SLC25A48: variants seen among roughly 807,000 people sequenced by gnomAD.
SLC25A48 encodes the protein CTC-321K16.1.
Under a neutral mutation model 32.2 loss-of-function variants are expected in SLC25A48, and 29 were observed. The observed-to-expected ratio is 0.90, with a 90% CI of 0.67 to 1.23. SLC25A48 has a LOEUF of 1.23. Ranked by LOEUF, SLC25A48 falls within the 50% of genes most tolerant of loss-of-function variation. The pLI, the probability that SLC25A48 is intolerant of heterozygous loss-of-function variation, is 0.00. For synonymous variants in SLC25A48, 164 were observed against 172.3 expected (o/e 0.95, Z 0.38); for missense variants, 399 against 422.7 (o/e 0.94, Z 0.49).
chr5:135,844,208 C>T (rs1408807620), intron 2 of SLC25A48, among the ~76,000 whole-genome samples: 1 of 152,208 alleles, frequency 6.6e-6, no homozygotes, highest in Non-Finnish European at 1.5e-5. Flanking sequence ...CAGCACGGGG[C>T]TGGGCACAGC....
chr5:135,841,127 G>A (rs1163784551), intron 1 of SLC25A48, among the ~76,000 whole-genome samples: 3 of 152,070 alleles, frequency 2.0e-5, no homozygotes, highest in East Asian at 1.9e-4. Context: ...GTGTGAAGAC[G>A]TATCTCATTG....
intron 3 of SLC25A48, chr5:135,649,196 A>G (rs1396299849): frequency 1.3e-5 from 2 of 152,258 alleles, no homozygotes; most frequent in African/African-American, 4.8e-5. Context: ...TGGCAACAGC[A>G]TCCACAGAAA....
rs79274927 is a variant in SLC25A48, at chr5:135,824,232, AATCTAGCC to A, written c.-117+11309_-117+11316del. ...GGCAAGAAGCCCTGAGTGCTTGAGC[AATCTAGCC>A]ATGGTTGAGGCCCATTGCTGGCTTT... On this transcript the variant is annotated intron_variant, in intron 4 of 10. Transcript: ENST00000646290. Among the ~76,000 whole-genome samples, 505 of 152,288 alleles carry A rather than the reference AATCTAGCC, an allele frequency of 3.3e-3. 1 individual carries two copies. Among genetic ancestry groups the A allele is most frequent in the Middle Eastern group, 6.8e-3 (2 of 294 alleles).
intron 3 of SLC25A48, chr5:135,746,465 T>C (rs745446671): frequency 5.1e-5 from 12 of 233,844 alleles, no homozygotes; most frequent in Admixed American, 6.2e-5. Flanking sequence ...TTCTGTCGCC[T>C]TTGCTGCCTT....
intron 1 of SLC25A48, among the ~76,000 whole-genome samples, chr5:135,591,061 T>C: frequency 6.6e-6 from 1 of 152,164 alleles, no homozygotes; most frequent in Non-Finnish European, 1.5e-5. Context: ...GCCTCCAGGG[T>C]ATCTGGGTGA....
chr5:135,607,503 C>T (rs1363453245), intron 1 of SLC25A48, among the ~76,000 whole-genome samples: 1 of 152,198 alleles, frequency 6.6e-6, no homozygotes, highest in Non-Finnish European at 1.5e-5. Flanking sequence ...CGTCCTGATT[C>T]TTACCTCTAG....
At chr5:135,837,660 G>A (rs1441943755) in intron 1 of SLC25A48, among the ~76,000 whole-genome samples, 2 of 151,832 alleles carry the variant, frequency 1.3e-5, no homozygotes, top group Non-Finnish European at 2.9e-5. Flanking sequence ...AGTCTCATGA[G>A]ATCCAATGGC....
intron 3 of SLC25A48, among the ~76,000 whole-genome samples, chr5:135,674,892 T>G (rs2126945144): frequency 7.4e-6 from 1 of 134,432 alleles, no homozygotes; most frequent in Middle Eastern, 3.9e-3. Flanking sequence ...GATCTTATGG[T>G]CATTCTATTT....
chr5:135,770,410 C>T (rs560852116), intron 3 of SLC25A48, among the ~76,000 whole-genome samples: 2 of 151,582 alleles, frequency 1.3e-5, no homozygotes, highest in African/African-American at 4.8e-5. Context: ...GATATTACTC[C>T]CAGTATCGCA....
chr5:135,770,526 T>C (rs1478971318), intron 3 of SLC25A48, among the ~76,000 whole-genome samples: 1 of 151,714 alleles, frequency 6.6e-6, no homozygotes, highest in Non-Finnish European at 1.5e-5. Flanking sequence ...GTGATATTGT[T>C]TGTAATATCC....
At chr5:135,883,748 C>G (rs77499716) in intron 7 of SLC25A48, among the ~76,000 whole-genome samples, 15,157 of 152,194 alleles carry the variant, frequency 0.1, 838 homozygotes, top group Non-Finnish European at 0.11. Context: ...AGAGTTTGGC[C>G]CTGGGCTTGG....
rs535344210 is a variant in SLC25A48, at chr5:135,754,978, A to G, written c.-520-57545A>G. ...TATCCCTCTTCTATTTATAATATCC[A>G]GTGTTTACACACTGTGATATTAATG... On this transcript the variant is annotated intron_variant, in intron 3 of 10. Coordinates refer to the SLC25A48 transcript ENST00000646290. 2.0e-5 allele frequency among the ~76,000 whole-genome samples: 3 copies of G among 152,272 alleles called. No individual in the cohort carries two copies. The East Asian group carries it at 5.8e-4, about 29-fold the overall frequency.
intron 3 of SLC25A48, among the ~76,000 whole-genome samples, chr5:135,747,431 C>T (rs904799429): frequency 2.0e-5 from 3 of 151,574 alleles, no homozygotes; most frequent in East Asian, 1.9e-4. Flanking sequence ...TCAGTGAAGC[C>T]GCTTCAAGAC....
rs73791610 is a variant in SLC25A48, at chr5:135,871,148, T to A, written c.422-313T>A. On this transcript the variant is annotated intron_variant, in intron 4 of 7. Coordinates refer to ENST00000681962, the MANE Select transcript of SLC25A48 (RefSeq NM_001349336.2). The stretch of plus-strand genomic sequence containing the variant: ...TTTCTAGCTTCAAAGAAGAGCTTAG[T>A]GTGGCTTGTCATAATTGATTCTAGA... 9.3e-3 allele frequency among the ~76,000 whole-genome samples: 1,415 copies of A among 152,006 alleles called. 26 individuals carry two copies. The highest frequency in any genetic ancestry group is 0.033 in the African/African-American group (1,355 of 41,442).
intron 3 of SLC25A48, among the ~76,000 whole-genome samples, chr5:135,780,015 G>A (rs1580871237): frequency 8.6e-6 from 1 of 116,324 alleles, no homozygotes; most frequent in African/African-American, 2.6e-5. Flanking sequence ...TATCCTGTTA[G>A]GTAGAGAATG....
At chr5:135,643,045 G>T (rs1160221360) in intron 3 of SLC25A48, among the ~76,000 whole-genome samples, 4 of 152,252 alleles carry the variant, frequency 2.6e-5, no homozygotes, top group Non-Finnish European at 5.9e-5. Context: ...AGGAAGGGAA[G>T]TGGGCAGAGA....
chr5:135,859,588 C>T (rs1189933742), intron 4 of SLC25A48, among the ~76,000 whole-genome samples: 1 of 152,210 alleles, frequency 6.6e-6, no homozygotes, highest in Non-Finnish European at 1.5e-5. Flanking sequence ...AAATCAATCT[C>T]ATAGGAGGCT....
intron 6 of SLC25A48, among the ~76,000 whole-genome samples, chr5:135,879,154 G>T (rs1425729243): frequency 6.6e-6 from 1 of 152,128 alleles, no homozygotes. Flanking sequence ...CAGCTCATCA[G>T]CACAGGCCAT....
rs148841152 is a variant in SLC25A48, at chr5:135,627,516, G to T, written c.-848-1721G>T. On this transcript the variant is annotated intron_variant, in intron 1 of 10. Transcript: ENST00000646290. ...GCTCTGGGTTGCCTCCTCTTTCCCC[G>T]TGTGGTCTTTCTGCTCTTCCAATAC... 3.1e-3 allele frequency among the ~76,000 whole-genome samples: 474 copies of T among 152,184 alleles called. 3 individuals carry two copies. The highest frequency in any genetic ancestry group is 0.011 in the African/African-American group (445 of 41,512).
Sources: allele counts gnomAD v4.1 joint callset (sites outside exome capture counted in the v4.1 genomes callset), GRCh38; gene constraint gnomAD v4.1.1; transcripts MANE v1.5; gene names NCBI Gene and HGNC (gene_info 2026-07-23, HGNC 2026-07-21).